The following ACBD5 variants were observed in gnomAD, a reference collection of about 807,000 sequenced individuals.
The protein encoded by ACBD5 is acyl-CoA binding domain containing 5.
Under a neutral mutation model 71.8 loss-of-function variants are expected in ACBD5, and 40 were observed. The ratio of observed to expected loss-of-function variants is 0.56; its 90% CI spans 0.43 to 0.72. ACBD5 has a LOEUF of 0.72. Ranked by LOEUF, ACBD5 falls within the 30% of genes least tolerant of loss-of-function variation. The pLI, the probability that ACBD5 is intolerant of heterozygous loss-of-function variation, is 0.00. For synonymous variants in ACBD5, 229 were observed against 218.6 expected (o/e 1.05, Z -0.42); for missense variants, 559 against 644.5 (o/e 0.87, Z 1.44).
intron 9 of ACBD5, among the ~76,000 whole-genome samples, chr10:27,209,412 T>A (rs922493015): frequency 1.5e-4 from 23 of 152,176 alleles, no homozygotes; most frequent in African/African-American, 4.6e-4. Flanking sequence ...AACCTCCGCC[T>A]CCCAGGTTCG....
intron 13 of ACBD5, among the ~76,000 whole-genome samples, chr10:27,189,495 C>T (rs1444414847): frequency 1.3e-5 from 2 of 152,136 alleles, no homozygotes; most frequent in Admixed American, 6.6e-5. Context: ...TTTTAAAAAC[C>T]GTCATTCTCA....
upstream of ACBD5, chr10:27,240,924 CG>C: frequency 1.6e-6 from 1 of 624,366 alleles, no homozygotes; most frequent in Admixed American, 2.9e-5. The surrounding 1 kb of genome is among the most constrained non-coding windows in gnomAD (Gnocchi z 4.1). Flanking sequence ...AGGACGCGCG[CG>C]GTCCGTCTGT....
At chr10:27,208,587 C>T in intron 9 of ACBD5, 142 bp from the exon 10 acceptor site, 1 of 1,020,556 alleles carries the variant, frequency 9.8e-7, no homozygotes, top group Admixed American at 2.0e-5. Flanking sequence ...CCTGTAATCC[C>T]AGCACTTTGG....
rs149989450 is a variant in ACBD5, at chr10:27,211,093, A to AAATG, written c.937-16_937-13dup. On this transcript the variant is annotated splice_polypyrimidine_tract_variant and intron_variant, in intron 8 of 12. Coordinates refer to ENST00000396271, the MANE Select transcript of ACBD5 (RefSeq NM_145698.5). The stretch of plus-strand genomic sequence containing the variant: ...AAGCTGTCTAAAGACTACAAATTAG[A>AAATG]AATGACACTTAGTTAAAAGCTAGAA... The AAATG allele has an allele frequency of 0.034, 55,095 of 1,613,714 alleles. 1,141 individuals are homozygous for AAATG. Among genetic ancestry groups the AAATG allele is most frequent in the Non-Finnish European group, 0.041 (48,852 of 1,179,724 alleles).
chr10:27,242,058 C>A (rs1011057570), upstream of ACBD5: 7 of 453,284 alleles, frequency 1.5e-5, no homozygotes, highest in Middle Eastern at 7.0e-4. Context: ...CCGGCATTTA[C>A]CTTGGTATTG....
At chr10:27,218,538 C>T (rs572260725) in intron 6 of ACBD5, among the ~76,000 whole-genome samples, 42 of 151,818 alleles carry the variant, frequency 2.8e-4, no homozygotes, top group African/African-American at 7.0e-4. Flanking sequence ...TTAAAGAAGG[C>T]GCTATTTGTC....
At position 27,196,943 on chromosome 10, in the gene ACBD5, A is replaced by G. The variant is rs2059428624; in HGVS notation, c.*487T>C. On this transcript the variant is annotated 3_prime_UTR_variant, in exon 13 of 13. Transcript: ENST00000396271. ...TTCCTGTGGTTTTCTACTACATGCCATGGCAACTCCGTGACTAAGATATAA... is the reference window on the plus strand; with the variant it reads ...TTCCTGTGGTTTTCTACTACATGCCGTGGCAACTCCGTGACTAAGATATAA... 1 of 454,112 alleles carries G rather than the reference A, an allele frequency of 2.2e-6. No homozygotes were observed. Among genetic ancestry groups the G allele is most frequent in the African/African-American group, 2.0e-5 (1 of 50,008 alleles). 28.1% of individuals were successfully genotyped at this position (454,112 alleles called of 1,614,324 possible).
At position 27,214,152 on chromosome 10, in the gene ACBD5, T is replaced by G. The variant is rs146427881; in HGVS notation, c.936+1383A>C. ...CTCATGGAGATAGAGATACAATGAATAAGATCTAGTACCTGATAGCACAGC... is the reference window on the plus strand; with the variant it reads ...CTCATGGAGATAGAGATACAATGAAGAAGATCTAGTACCTGATAGCACAGC... On this transcript the variant is annotated intron_variant, in intron 8 of 12. Transcript: ENST00000396271. 3.0e-3 allele frequency among the ~76,000 whole-genome samples: 456 copies of G among 152,248 alleles called. 1 individual carries two copies. The highest frequency in any genetic ancestry group is 0.01 in the African/African-American group (430 of 41,542).
intron 8 of ACBD5, among the ~76,000 whole-genome samples, chr10:27,212,800 C>T (rs984862840): frequency 6.6e-6 from 1 of 152,110 alleles, no homozygotes; most frequent in African/African-American, 2.4e-5. Flanking sequence ...CCACCTGCCT[C>T]GGCCTCCCAC....
chr10:27,209,103 T>A (rs10764689), intron 9 of ACBD5, among the ~76,000 whole-genome samples: 94,499 of 149,486 alleles, frequency 0.63, 29,810 homozygotes, highest in Non-Finnish European at 0.68. Flanking sequence ...TTTTTTTTTT[T>A]AAATAGAGAT....
At position 27,186,587 on chromosome 10, in the gene ACBD5, T is replaced by A. The variant is rs752083792; in HGVS notation, c.1494-3872A>T. The A allele has an allele frequency of 4.6e-5, 66 of 1,447,928 alleles. No homozygotes were observed. The highest frequency in any genetic ancestry group is 6.3e-5 in the Non-Finnish European group (65 of 1,027,650). 89.7% of individuals were successfully genotyped at this position (1,447,928 alleles called of 1,614,324 possible). ...CCTTGTGTTATAGAATGAACTTGCA[T>A]AATTATATACTCCTTAATACTAGAT... On this transcript the variant is annotated intron_variant, in intron 13 of 13. Coordinates refer to the ACBD5 transcript ENST00000676511.
chr10:27,187,109 G>A (rs1051064697), intron 13 of ACBD5, among the ~76,000 whole-genome samples: 21 of 152,032 alleles, frequency 1.4e-4, no homozygotes, highest in Non-Finnish European at 2.9e-5. Context: ...AGACCATCCT[G>A]GCCAACATAA....
intron 2 of ACBD5, among the ~76,000 whole-genome samples, chr10:27,239,509 C>CT (rs900351596): frequency 6.6e-5 from 10 of 151,994 alleles, no homozygotes; most frequent in Non-Finnish European, 1.3e-4. Context: ...ACTGGAATGA[C>CT]TTTTTTCTCA....
intron 13 of ACBD5, chr10:27,186,779 A>T (rs1301124242): frequency 2.1e-6 from 1 of 487,398 alleles, no homozygotes. Flanking sequence ...TATTTTGTTT[A>T]TTGCACTTTA....
At chr10:27,198,876 C>T (rs112379710) in intron 12 of ACBD5, among the ~76,000 whole-genome samples, 9,828 of 152,030 alleles carry the variant, frequency 0.065, 378 homozygotes, top group African/African-American at 0.099. Flanking sequence ...TTTGGGAGGC[C>T]GAGGCGGGCG....
intron 12 of ACBD5, among the ~76,000 whole-genome samples, chr10:27,201,765 T>G (rs2059952938): frequency 6.6e-6 from 1 of 152,230 alleles, no homozygotes. Flanking sequence ...ATCACGCAAG[T>G]GCACTCCAGC....
At chr10:27,223,130 AG>A in intron 5 of ACBD5, 1 of 704,248 alleles carries the variant, frequency 1.4e-6, no homozygotes, top group Non-Finnish European at 2.6e-6. Context: ...CAAGATTGTA[AG>A]TTCTGTAAGT....
intron 4 of ACBD5, among the ~76,000 whole-genome samples, chr10:27,228,816 T>TATATATATATATATATATATATATATA (rs71386926): frequency 1.1e-4 from 2 of 18,762 alleles, no homozygotes; most frequent in Non-Finnish European, 1.4e-4. Flanking sequence ...TATATATATA[T>TATATATATATATATATATATATATATA]TTTTTTTTTT....
At position 27,195,400 on chromosome 10, in the gene ACBD5, TATAAA is replaced by T. The variant is rs1411173598; in HGVS notation, c.*2025_*2029del. 1 of 454,478 alleles carries T rather than the reference TATAAA, an allele frequency of 2.2e-6. No individual in the cohort carries two copies. Among genetic ancestry groups the T allele is most frequent in the South Asian group, 1.6e-5 (1 of 64,458 alleles). 28.2% of individuals were successfully genotyped at this position (454,478 alleles called of 1,614,324 possible). On this transcript the variant is annotated 3_prime_UTR_variant, in exon 13 of 13. Coordinates refer to ENST00000396271, the MANE Select transcript of ACBD5 (RefSeq NM_145698.5). Reference sequence around the variant, plus strand: ...ACTGTGTGCAAAGTGCTTTTCAAACTATAAAATAAGACTTTGGAACAGGATAGAAA... The same window carrying T: ...ACTGTGTGCAAAGTGCTTTTCAAACTATAAGACTTTGGAACAGGATAGAAA...
Sources: allele counts gnomAD v4.1 joint callset (sites outside exome capture counted in the v4.1 genomes callset), GRCh38; gene constraint gnomAD v4.1.1; non-coding constraint Gnocchi (gnomAD v3.1); transcripts MANE v1.5; gene names NCBI Gene and HGNC (gene_info 2026-07-23, HGNC 2026-07-21).